The following ABR variants were observed in gnomAD, a reference collection of about 807,000 sequenced individuals.
The protein encoded by ABR is active breakpoint cluster region-related protein.
A neutral mutation model predicts 107.2 loss-of-function variants in ABR; 35 were observed. The observed-to-expected ratio is 0.33, with a 90% CI of 0.25 to 0.43. The LOEUF is 0.43. ABR is among the 20% of genes least tolerant of loss of function. The probability of loss-of-function intolerance (pLI) is 1.00; values close to 1 mark genes in which losing one functional copy is unlikely to be tolerated. For missense variants in ABR, 815 were observed against 1,115.2 expected (o/e 0.73, Z 3.83); for synonymous variants, 498 against 462.0 (o/e 1.08, Z -1.00).
Position 1,005,890 on chromosome 17 carries a change from C to G in ABR, c.*190G>C, listed in dbSNP as rs1363730487. On this transcript the variant is annotated 3_prime_UTR_variant, in exon 23 of 23. Coordinates refer to ENST00000302538, the MANE Select transcript of ABR (RefSeq NM_021962.5). ...CAGGAGGTGGGATGCGGTGGTGAGGCTGGGGCTGGGCAGCCGGCTTTGTAC... is the reference window on the plus strand; with the variant it reads ...CAGGAGGTGGGATGCGGTGGTGAGGGTGGGGCTGGGCAGCCGGCTTTGTAC... 3 of 625,802 alleles carry G rather than the reference C, an allele frequency of 4.8e-6. No homozygotes were observed. Among genetic ancestry groups the G allele is most frequent in the African/African-American group, 1.8e-5 (1 of 54,860 alleles). 38.8% of individuals were successfully genotyped at this position (625,802 alleles called of 1,614,324 possible).
intron 16 of ABR, among the ~76,000 whole-genome samples, chr17:1,021,956 C>T (rs1388741955): frequency 4.0e-5 from 6 of 151,350 alleles, no homozygotes; most frequent in East Asian, 1.9e-4. Context: ...CTCAGGAGTT[C>T]GAGACCAGCC....
chr17:1,204,337 C>G (rs2042746946), intron 1 of ABR, among the ~76,000 whole-genome samples: 1 of 152,088 alleles, frequency 6.6e-6, no homozygotes, highest in Non-Finnish European at 1.5e-5. Context: ...CCCAGCTACT[C>G]GGGAGGCTGA....
At chr17:1,116,626 G>A (rs911259707) in intron 2 of ABR, among the ~76,000 whole-genome samples, 14 of 152,138 alleles carry the variant, frequency 9.2e-5, no homozygotes, top group African/African-American at 1.7e-4. Context: ...CAGCGATGAC[G>A]GGACCCAGGG....
intron 1 of ABR, among the ~76,000 whole-genome samples, chr17:1,164,452 T>C (rs34696944): frequency 3.6e-3 from 343 of 94,448 alleles, no homozygotes; most frequent in Middle Eastern, 0.016. Context: ...TCGGAGCATC[T>C]AGGTGGGACC....
intron 16 of ABR, among the ~76,000 whole-genome samples, chr17:1,019,473 G>A (rs2071452758): frequency 4.5e-5 from 1 of 22,388 alleles, no homozygotes; most frequent in Non-Finnish European, 1.0e-4. Flanking sequence ...CCTGGTATCT[G>A]CTGCAGGTGT....
At position 1,150,695 on chromosome 17, in the gene ABR, T is replaced by C. The variant is rs368588203; in HGVS notation, c.62-25328A>G. Among the ~76,000 whole-genome samples, 1 of 152,074 alleles carries C rather than the reference T, an allele frequency of 6.6e-6. No individual in the cohort carries two copies. The highest frequency in any genetic ancestry group is 1.5e-5 in the Non-Finnish European group (1 of 68,016). On this transcript the variant is annotated intron_variant, in intron 1 of 22. Coordinates refer to ENST00000302538, the MANE Select transcript of ABR (RefSeq NM_021962.5). This position sits in a 1 kb window ranked among gnomAD's most constrained non-coding sequence, Gnocchi z 4.8. ...TCCTGGTACACGGTCTGTGGTAACA[T>C]CCTGCACGGCTCTAAACCAGAGGCA...
chr17:1,102,774 G>C (rs1282062901), intron 2 of ABR, among the ~76,000 whole-genome samples: 1 of 152,136 alleles, frequency 6.6e-6, no homozygotes, highest in Non-Finnish European at 1.5e-5. Flanking sequence ...GCAATGGCAT[G>C]ATCTCAGCTC....
intron 10 of ABR, among the ~76,000 whole-genome samples, chr17:1,064,487 T>C (rs1338915903): frequency 0.01 from 356 of 34,524 alleles, no homozygotes; most frequent in Middle Eastern, 0.026. Flanking sequence ...CATGTTCCTC[T>C]AGACACTGTT....
In ABR at chr17:1,179,777, C is replaced by G; in HGVS notation, c.-50G>C. On this transcript the variant is annotated 5_prime_UTR_variant, in exon 1 of 23. Transcript: ENST00000302538. This position sits in a 1 kb window ranked among gnomAD's most constrained non-coding sequence, Gnocchi z 4.9. ...CCGAAACCCGACCCTCATCGCGCAA[C>G]AAAGGAGGGAGAGCGGGCGGGAGCC... 1 of 795,250 alleles carries G rather than the reference C, an allele frequency of 1.3e-6. No homozygotes were observed. Among genetic ancestry groups the G allele is most frequent in the Non-Finnish European group, 1.9e-6 (1 of 530,024 alleles). The allele number at this position is 795,250 out of a possible 1,614,324, so 49.3% of individuals were successfully genotyped here.
intron 16 of ABR, among the ~76,000 whole-genome samples, chr17:1,043,605 C>G (rs1249540582): frequency 6.6e-6 from 1 of 152,256 alleles, no homozygotes; most frequent in Non-Finnish European, 1.5e-5. Flanking sequence ...TTAGCTCACT[C>G]TAGCCTCCTT....
intron 1 of ABR, among the ~76,000 whole-genome samples, chr17:1,227,364 A>G (rs1277147748): frequency 6.6e-6 from 1 of 152,148 alleles, no homozygotes; most frequent in Non-Finnish European, 1.5e-5. Context: ...GGTAGCCTCC[A>G]CCAAGGGCAT....
chr17:1,197,241 C>T (rs1424694622), intron 1 of ABR, among the ~76,000 whole-genome samples: 3 of 151,834 alleles, frequency 2.0e-5, no homozygotes, highest in South Asian at 4.1e-4. Context: ...GGAAACAGGC[C>T]GTGATCTCCT....
At chr17:1,073,310 A>C (rs1168999196) in intron 7 of ABR, among the ~76,000 whole-genome samples, 1 of 151,714 alleles carries the variant, frequency 6.6e-6, no homozygotes, top group Non-Finnish European at 1.5e-5. Context: ...CATCCCCCCG[A>C]GCAGCTGGGA....
chr17:1,101,992 C>T (rs1423176489), intron 2 of ABR, among the ~76,000 whole-genome samples: 2 of 152,108 alleles, frequency 1.3e-5, no homozygotes, highest in African/African-American at 2.4e-5. Flanking sequence ...CTTGGCCTCC[C>T]AAAGTGCTGG....
chr17:1,127,792 G>A (rs368588009), intron 1 of ABR, among the ~76,000 whole-genome samples: 14 of 152,306 alleles, frequency 9.2e-5, no homozygotes, highest in East Asian at 3.9e-4. Context: ...CAACGGGGGG[G>A]AAGGGACGGT....
chr17:1,059,011 G>T, intron 10 of ABR, 144 bp from the exon 11 acceptor site: 1 of 1,265,222 alleles, frequency 7.9e-7, no homozygotes, highest in Non-Finnish European at 1.1e-6. Context: ...TGGCAGGAGA[G>T]GCGGGTAGCT....
rs568337819 is a variant in ABR at position 1,142,672 on chromosome 17, C to T, written c.62-17305G>A. ...TTCAGCCAGCACAGGGAAGGCTGCC[C>T]GGAAGAGGCAGGGCTTGTCCTCAGT... On this transcript the variant is annotated intron_variant, in intron 1 of 22. Transcript: ENST00000302538. Among the ~76,000 whole-genome samples, 22 of 152,198 alleles carry T rather than the reference C, an allele frequency of 1.4e-4. No homozygotes were observed. In the South Asian group the frequency reaches 4.6e-3, roughly 32 times the overall value.
intron 17 of ABR, 82 bp from the exon 18 acceptor site, chr17:1,012,879 C>A (rs922366815): frequency 8.0e-7 from 1 of 1,246,222 alleles, no homozygotes; most frequent in African/African-American, 1.5e-5. Context: ...GGTCCCCTCC[C>A]CAAGACTGCA....
chr17:1,140,933 C>G (rs1402743459), intron 1 of ABR, among the ~76,000 whole-genome samples: 1 of 151,914 alleles, frequency 6.6e-6, no homozygotes, highest in African/African-American at 2.4e-5. Flanking sequence ...GAGATCGCAC[C>G]ACAGCACTCC....
Sources: gnomAD v4.1 joint callset for allele counts (sites outside exome capture counted in the v4.1 genomes callset) on GRCh38, gnomAD v4.1.1 for gene constraint, Gnocchi (gnomAD v3.1) non-coding constraint, MANE v1.5 for transcripts, NCBI Gene and HGNC (gene_info 2026-07-23, HGNC 2026-07-21) for gene names.